SIM1: variants seen among roughly 807,000 people sequenced by gnomAD.
The protein encoded by SIM1 is single-minded homolog 1.
Under a neutral mutation model 78.2 loss-of-function variants are expected in SIM1, and 18 were observed. The observed-to-expected ratio is 0.23, with a 90% CI of 0.16 to 0.34. The LOEUF (loss-of-function observed/expected upper bound fraction) is 0.34. Ranked by LOEUF, SIM1 falls within the 10% of genes least tolerant of loss-of-function variation. The pLI is 1.00. For synonymous variants in SIM1, 417 were observed against 385.2 expected, an observed-to-expected ratio of 1.08 and a Z score of -0.97; for missense variants, 939 against 975.1, an observed-to-expected ratio of 0.96 and a Z score of 0.49.
intron 10 of SIM1, among the ~76,000 whole-genome samples, chr6:100,397,098 A>T (rs1331184895): frequency 6.6e-6 from 1 of 152,234 alleles, no homozygotes; most frequent in Non-Finnish European, 1.5e-5. Flanking sequence ...TGTCATAACT[A>T]TAAAAAGAAA....
rs770295039 is a variant in SIM1 at position 100,448,554 on chromosome 6, G to T, written c.668C>A (p.Thr223Lys). 6.2e-7 allele frequency: 1 copy of T among 1,614,140 alleles called. No individual in the cohort carries two copies. Among genetic ancestry groups the T allele is most frequent in the Non-Finnish European group, 8.5e-7 (1 of 1,180,040 alleles). ...VGHSLPPSAV[T>K]EIKLHSNMFM... Reference sequence around the variant, plus strand: ...CATATTGCTGTGTAGCTTGATCTCCGTGACGGCGCTGGGAGGCAGCGAGTG... The same window carrying T: ...CATATTGCTGTGTAGCTTGATCTCCTTGACGGCGCTGGGAGGCAGCGAGTG... Residue 223 changes from threonine to lysine, a missense_variant, in exon 7 of 12, where the codon ACG (threonine) becomes AAG (lysine). Thr to Lys is a moderately conservative substitution (Grantham distance 78). This residue lies in a region of SIM1 where 187 missense variants were observed against 191.6 expected (regional missense o/e 0.98). Coordinates refer to ENST00000369208, the MANE Select transcript of SIM1 (RefSeq NM_005068.3).
chr6:100,447,223 C>G, intron 9 of SIM1, 45 bp downstream of exon 9: 1 of 1,597,432 alleles, frequency 6.3e-7, no homozygotes, highest in South Asian at 1.1e-5. Flanking sequence ...TCGCAGAGAG[C>G]AGGGTCGCCT....
intron 9 of SIM1, among the ~76,000 whole-genome samples, chr6:100,426,172 C>T (rs1408179078): frequency 6.6e-6 from 1 of 152,178 alleles, no homozygotes; most frequent in Non-Finnish European, 1.5e-5. Context: ...CTTCAGGTGC[C>T]TCAGCTCTGA....
Position 100,449,584 on chromosome 6 carries a change from A to G in SIM1, c.457+7T>C. The stretch of plus-strand genomic sequence containing the variant: ...GCCTGAGCGTCGCAGGCATGTGTCT[A>G]CCTTACCCTGCACGAAGTGAGAGTG... On this transcript the variant is annotated splice_region_variant and intron_variant, in intron 5 of 11. Transcript: ENST00000369208. 6.2e-7 allele frequency: 1 copy of G among 1,612,650 alleles called. No homozygotes were observed. The highest frequency in any genetic ancestry group is 8.5e-7 in the Non-Finnish European group (1 of 1,178,670).
intron 9 of SIM1, 88 bp from the exon 10 acceptor site, chr6:100,421,046 T>C: frequency 7.1e-7 from 1 of 1,409,112 alleles, no homozygotes; most frequent in Non-Finnish European, 9.5e-7. Context: ...GTAATCCGAA[T>C]TTGAAAAGAA....
chr6:100,407,149 G>A (rs1771072069), intron 10 of SIM1, among the ~76,000 whole-genome samples: 1 of 151,968 alleles, frequency 6.6e-6, no homozygotes, highest in Admixed American at 6.6e-5. Context: ...TTCTTTTGTG[G>A]CTGAATAATA....
intron 2 of SIM1, among the ~76,000 whole-genome samples, chr6:100,459,718 A>G (rs546167994): frequency 6.6e-6 from 1 of 152,342 alleles, no homozygotes; most frequent in East Asian, 1.9e-4. Flanking sequence ...TTTCCAAGAC[A>G]TCTTGTCAAT....
Position 100,389,586 on chromosome 6 carries a change from C to A in SIM1, c.*775G>T, listed in dbSNP as rs1049961951. The A allele has an allele frequency of 2.5e-6, 1 of 398,778 alleles. No homozygotes were observed. The highest frequency in any genetic ancestry group is 2.1e-5 in the African/African-American group (1 of 48,616). The allele number at this position is 398,778 out of a possible 1,614,324, so 24.7% of individuals were successfully genotyped here. A position where few individuals can be genotyped will look rare whatever the true frequency, so the allele number is the denominator to read the frequency against. On this transcript the variant is annotated 3_prime_UTR_variant, in exon 12 of 12. Transcript: ENST00000369208. ...TGGCCTTTCCATATTCATAGAACTA[C>A]TTCCAATTGAGCACTCCAGGTTTTT... is the stretch of plus-strand genomic sequence containing the variant.
intron 9 of SIM1, 41 bp from the exon 10 acceptor site, chr6:100,420,999 G>C: frequency 6.3e-7 from 1 of 1,590,082 alleles, no homozygotes; most frequent in Non-Finnish European, 8.6e-7. Flanking sequence ...AGCCACCATA[G>C]GAAATGGATT....
chr6:100,449,463 C>G lies in SIM1; in HGVS notation c.458-15G>C, dbSNP rs148051085. The G allele has an allele frequency of 6.2e-7, 1 of 1,610,654 alleles. No homozygotes were observed. Among genetic ancestry groups the G allele is most frequent in the Non-Finnish European group, 8.5e-7 (1 of 1,176,968 alleles). On this transcript the variant is annotated splice_polypyrimidine_tract_variant and intron_variant, in intron 5 of 11. Transcript: ENST00000369208. ...GATCTCATACTCTGGGAGAGAGGAA[C>G]GAAGGGAAGCTCAGGTCGTGTGACA...
chr6:100,400,958 C>T (rs1340159903), intron 10 of SIM1, among the ~76,000 whole-genome samples: 2 of 150,922 alleles, frequency 1.3e-5, no homozygotes, highest in African/African-American at 4.9e-5. Flanking sequence ...GGTTTCCCCA[C>T]AGATTGCTTT....
At chr6:100,396,074 T>C in intron 10 of SIM1, 1 of 984,706 alleles carries the variant, frequency 1.0e-6, no homozygotes, top group Non-Finnish European at 1.2e-6. Flanking sequence ...GCCTTCCGCA[T>C]GCCATCATCC....
intron 10 of SIM1, among the ~76,000 whole-genome samples, chr6:100,398,377 A>G (rs920851083): frequency 4.6e-4 from 70 of 152,264 alleles, no homozygotes; most frequent in African/African-American, 1.6e-3. Flanking sequence ...ATTCATTTCC[A>G]GAACTCTTCA....
intron 9 of SIM1, among the ~76,000 whole-genome samples, chr6:100,446,075 T>C (rs939714607): frequency 2.6e-5 from 4 of 152,240 alleles, no homozygotes; most frequent in African/African-American, 9.6e-5. Context: ...AATTGCCAGC[T>C]ACTATTCTTG....
At chr6:100,406,151 T>C (rs906977312) in intron 10 of SIM1, among the ~76,000 whole-genome samples, 3 of 152,214 alleles carry the variant, frequency 2.0e-5, no homozygotes, top group Non-Finnish European at 4.4e-5. Flanking sequence ...TCTAGCCCAC[T>C]GGGTAAAATC....
Position 100,447,420 on chromosome 6 carries a change from C to T in SIM1, c.851-5G>A, listed in dbSNP as rs1240908909. On this transcript the variant is annotated splice_region_variant and splice_polypyrimidine_tract_variant and intron_variant, in intron 8 of 11. Transcript: ENST00000369208. ...TCACCTGTCCCTTCACCAGCACTGACGGAGAGACAGGAGGCAGATGGTGGT... is the reference window on the plus strand; with the variant it reads ...TCACCTGTCCCTTCACCAGCACTGATGGAGAGACAGGAGGCAGATGGTGGT... 6.2e-7 allele frequency: 1 copy of T among 1,614,194 alleles called. No individual in the cohort carries two copies. The highest frequency in any genetic ancestry group is 8.5e-7 in the Non-Finnish European group (1 of 1,180,032).
chr6:100,448,907 C>T (rs914690535), intron 6 of SIM1, among the ~76,000 whole-genome samples: 5 of 152,152 alleles, frequency 3.3e-5, no homozygotes, highest in Admixed American at 6.5e-5. Context: ...GAAGCCTGGC[C>T]CCACCAACCC....
At chr6:100,451,564 G>A (rs1772513766) in intron 3 of SIM1, among the ~76,000 whole-genome samples, 2 of 152,190 alleles carry the variant, frequency 1.3e-5, no homozygotes, top group Non-Finnish European at 2.9e-5. Context: ...AATGCAGACA[G>A]TGATCTGAGG....
At chr6:100,398,212 A>C (rs1770814807) in intron 10 of SIM1, among the ~76,000 whole-genome samples, 1 of 152,156 alleles carries the variant, frequency 6.6e-6, no homozygotes, top group Non-Finnish European at 1.5e-5. Flanking sequence ...TATTTATAGC[A>C]GCTACCTCCC....
Sources: allele counts gnomAD v4.1 joint callset (sites outside exome capture counted in the v4.1 genomes callset), GRCh38; gene constraint gnomAD v4.1.1; regional missense constraint gnomAD v4.1.1; transcripts MANE v1.5; gene names NCBI Gene and HGNC (gene_info 2026-07-23, HGNC 2026-07-21).